Variants in DLG2 observed in about 807,000 individuals in gnomAD.
DLG2 encodes discs large MAGUK scaffold protein 2, also known as disks large homolog 2.
Under a neutral mutation model 132.5 loss-of-function variants are expected in DLG2, and 45 were observed. The observed-to-expected ratio is 0.34, with a 90% CI of 0.27 to 0.44. DLG2 has a LOEUF of 0.44. Ranked by LOEUF, DLG2 falls within the 20% of genes least tolerant of loss-of-function variation. DLG2 has a pLI of 1.00. For missense variants in DLG2, 1,045 were observed against 1,196.9 expected, an observed-to-expected ratio of 0.87 and a Z score of 1.87; for synonymous variants, 424 against 419.6, an observed-to-expected ratio of 1.01 and a Z score of -0.13.
intron 3 of DLG2, among the ~76,000 whole-genome samples, chr11:85,396,499 T>C (rs1337880604): frequency 6.6e-6 from 1 of 152,144 alleles, no homozygotes; most frequent in Non-Finnish European, 1.5e-5. Context: ...GAGCATGTTC[T>C]AACCCATCAG....
At chr11:84,000,051 A>T (rs1056278128) in intron 11 of DLG2, among the ~76,000 whole-genome samples, 1 of 152,192 alleles carries the variant, frequency 6.6e-6, no homozygotes, top group East Asian at 1.9e-4. Flanking sequence ...AATCAATAAA[A>T]GAATTCATAT....
chr11:84,897,672 T>A (rs1185070037), intron 6 of DLG2, among the ~76,000 whole-genome samples: 2 of 151,836 alleles, frequency 1.3e-5, no homozygotes, highest in East Asian at 3.9e-4. Flanking sequence ...CTTCTGTGAC[T>A]TTCTTAAAAA....
chr11:84,538,216 G>A (rs1472779040), intron 6 of DLG2, among the ~76,000 whole-genome samples: 1 of 152,190 alleles, frequency 6.6e-6, no homozygotes, highest in African/African-American at 2.4e-5. Context: ...ATACCATAAA[G>A]AGGTAAAAGA....
intron 7 of DLG2, among the ~76,000 whole-genome samples, chr11:84,369,931 A>G (rs2098699252): frequency 6.6e-6 from 1 of 152,182 alleles, no homozygotes; most frequent in South Asian, 2.1e-4. Flanking sequence ...ACTGACATTC[A>G]CAGAAGCTAT....
intron 6 of DLG2, chr11:84,545,293 T>C (rs2099387430): frequency 1.8e-5 from 9 of 506,140 alleles, no homozygotes; most frequent in South Asian, 1.4e-4. Context: ...AGACTGATTG[T>C]TGTAGCTGCC....
At chr11:83,818,864 T>C (rs1307359326) in intron 17 of DLG2, among the ~76,000 whole-genome samples, 1 of 152,102 alleles carries the variant, frequency 6.6e-6, no homozygotes, top group Non-Finnish European at 1.5e-5. Context: ...GAAAGATAAA[T>C]TTGGGTAGCA....
intron 2 of DLG2, among the ~76,000 whole-genome samples, chr11:85,611,882 A>G (rs1399421194): frequency 6.6e-6 from 1 of 152,184 alleles, no homozygotes; most frequent in Non-Finnish European, 1.5e-5. Context: ...AGGGGAGAAC[A>G]GCAGCATAAG....
At chr11:85,302,358 T>C (rs1161743473) in intron 3 of DLG2, among the ~76,000 whole-genome samples, 1 of 152,208 alleles carries the variant, frequency 6.6e-6, no homozygotes, top group African/African-American at 2.4e-5. Context: ...AGTATTACAA[T>C]TTGGCTTTCT....
chr11:83,961,463 C>A (rs79736962), intron 14 of DLG2, among the ~76,000 whole-genome samples: 20,067 of 151,864 alleles, frequency 0.13, 1,618 homozygotes, highest in African/African-American at 0.21. Context: ...AGTTTTTCTA[C>A]TTATTAATAA....
chr11:84,993,747 C>G (rs186388575), intron 6 of DLG2, among the ~76,000 whole-genome samples: 1 of 152,152 alleles, frequency 6.6e-6, no homozygotes, highest in Non-Finnish European at 1.5e-5. Context: ...AGAATAAATG[C>G]GAGCCTCACT....
At chr11:84,054,939 C>A (rs1049034823) in intron 11 of DLG2, among the ~76,000 whole-genome samples, 2 of 151,842 alleles carry the variant, frequency 1.3e-5, no homozygotes, top group Middle Eastern at 3.2e-3. Context: ...TGCATTAACT[C>A]TTTAAAATAG....
At chr11:85,249,836 T>C (rs976441293) in intron 4 of DLG2, among the ~76,000 whole-genome samples, 4 of 152,162 alleles carry the variant, frequency 2.6e-5, no homozygotes, top group Non-Finnish European at 5.9e-5. Context: ...CATATTTCCT[T>C]GTAGTGGGAC....
intron 18 of DLG2, among the ~76,000 whole-genome samples, chr11:83,758,069 A>G (rs2093726444): frequency 6.6e-6 from 1 of 152,222 alleles, no homozygotes; most frequent in Non-Finnish European, 1.5e-5. Context: ...GATTCAAATA[A>G]AATTTTTGCT....
intron 10 of DLG2, among the ~76,000 whole-genome samples, chr11:84,098,033 G>T: frequency 1.3e-5 from 1 of 74,426 alleles, no homozygotes; most frequent in Non-Finnish European, 2.7e-5. Flanking sequence ...CTCACCATGT[G>T]CCTTTTTTTT....
At chr11:83,824,128 C>T (rs1026519539) in intron 17 of DLG2, among the ~76,000 whole-genome samples, 3 of 152,270 alleles carry the variant, frequency 2.0e-5, no homozygotes, top group Admixed American at 6.5e-5. Flanking sequence ...GCGCAGTATC[C>T]AGCAAAATGC....
intron 6 of DLG2, among the ~76,000 whole-genome samples, chr11:84,671,075 T>C (rs1197375282): frequency 2.6e-5 from 4 of 151,890 alleles, no homozygotes; most frequent in Non-Finnish European, 5.9e-5. Flanking sequence ...TCCACACTTC[T>C]GGGATTTACC....
intron 3 of DLG2, among the ~76,000 whole-genome samples, chr11:85,583,387 A>G (rs1191970718): frequency 1.3e-5 from 2 of 150,174 alleles, no homozygotes; most frequent in African/African-American, 2.5e-5. Context: ...GGGTCTCACA[A>G]TGTTACCCAG....
intron 21 of DLG2, among the ~76,000 whole-genome samples, chr11:83,521,753 CT>C (rs2095485220): frequency 6.6e-6 from 1 of 152,086 alleles, no homozygotes; most frequent in Non-Finnish European, 1.5e-5. Flanking sequence ...ACAGTCTCCC[CT>C]ACATGCCATT....
At chr11:84,301,651 CAA>C (rs753899806) in intron 7 of DLG2, among the ~76,000 whole-genome samples, 33 of 26,592 alleles carry the variant, frequency 1.2e-3, no homozygotes, top group Non-Finnish European at 2.1e-3. Context: ...AGGCGAGACT[CAA>C]AAAAAAAAAA....
Sources: gnomAD v4.1 joint callset for allele counts (sites outside exome capture counted in the v4.1 genomes callset) on GRCh38, gnomAD v4.1.1 for gene constraint, MANE v1.5 for transcripts, NCBI Gene and HGNC (gene_info 2026-07-23, HGNC 2026-07-21) for gene names.